PLCB1: variants seen among roughly 807,000 people sequenced by gnomAD.
PLCB1 encodes the protein phospholipase C beta 1.
In PLCB1, 46 loss-of-function variants were observed where a neutral mutation model predicts 161.8. That is an observed-to-expected ratio of 0.28 (90% CI 0.22 to 0.36). PLCB1 has a LOEUF of 0.36. Ranked by LOEUF, PLCB1 falls within the 10% of genes least tolerant of loss-of-function variation. PLCB1 has a pLI of 1.00. For synonymous variants in PLCB1, 517 were observed against 503.7 expected, an observed-to-expected ratio of 1.03 and a Z score of -0.35; for missense variants, 1,016 against 1,472.5, an observed-to-expected ratio of 0.69 and a Z score of 5.07.
At chr20:8,727,489 A>T (rs1385412087) in intron 17 of PLCB1, 96 bp downstream of exon 17, 1 of 725,072 alleles carries the variant, frequency 1.4e-6, no homozygotes, top group East Asian at 2.6e-5. Context: ...AGATGCATAA[A>T]ATGGCTTAAG....
intron 2 of PLCB1, among the ~76,000 whole-genome samples, chr20:8,310,923 A>G (rs1430444646): frequency 1.3e-5 from 2 of 152,148 alleles, no homozygotes; most frequent in Non-Finnish European, 2.9e-5. Context: ...GCTGCTGCAT[A>G]GTATTCTATG....
intron 3 of PLCB1, among the ~76,000 whole-genome samples, chr20:8,381,884 C>T (rs968452295): frequency 7.9e-5 from 12 of 151,216 alleles, no homozygotes; most frequent in East Asian, 1.9e-4. Flanking sequence ...TTAATTTTTT[C>T]GGGAAAAAAA....
intron 2 of PLCB1, among the ~76,000 whole-genome samples, chr20:8,168,811 TA>T (rs920202052): frequency 1.3e-5 from 2 of 151,950 alleles, no homozygotes; most frequent in African/African-American, 4.8e-5. Flanking sequence ...TCAAAATCTG[TA>T]AAAACACTGG....
At chr20:8,388,821 T>C (rs2122420627) in intron 3 of PLCB1, among the ~76,000 whole-genome samples, 1 of 152,304 alleles carries the variant, frequency 6.6e-6, no homozygotes, top group African/African-American at 2.4e-5. Flanking sequence ...AGATGTAAAT[T>C]ATATGGCATA....
At chr20:8,815,496 A>G (rs1324036513) in intron 31 of PLCB1, among the ~76,000 whole-genome samples, 1 of 152,238 alleles carries the variant, frequency 6.6e-6, no homozygotes, top group African/African-American at 2.4e-5. Flanking sequence ...CCTAAGGTGT[A>G]CAATTTCACA....
chr20:8,518,027 C>T (rs1984205776), intron 3 of PLCB1, among the ~76,000 whole-genome samples: 1 of 151,972 alleles, frequency 6.6e-6, no homozygotes, highest in Non-Finnish European at 1.5e-5. Flanking sequence ...ACTAAAAATA[C>T]AAAATTTAGC....
chr20:8,412,148 A>G (rs1979073565), intron 3 of PLCB1, among the ~76,000 whole-genome samples: 1 of 152,260 alleles, frequency 6.6e-6, no homozygotes, highest in Non-Finnish European at 1.5e-5. Flanking sequence ...AGGTATTATT[A>G]GTTATTGCTA....
intron 2 of PLCB1, among the ~76,000 whole-genome samples, chr20:8,319,714 T>C (rs1984820354): frequency 1.6e-5 from 1 of 61,776 alleles, no homozygotes; most frequent in South Asian, 8.4e-4. Flanking sequence ...GCTTTTCTTT[T>C]TCTTATTGTG....
intron 2 of PLCB1, 180 bp from the exon 3 acceptor site, chr20:8,371,202 G>A: frequency 1.8e-6 from 1 of 540,638 alleles, no homozygotes; most frequent in Non-Finnish European, 3.3e-6. Flanking sequence ...TTAGCAGTTA[G>A]CTGTCTTTTG....
At chr20:8,273,843 A>G (rs1218191424) in intron 2 of PLCB1, among the ~76,000 whole-genome samples, 3 of 152,188 alleles carry the variant, frequency 2.0e-5, no homozygotes, top group Admixed American at 6.6e-5. Context: ...TGGAATGGAT[A>G]TGGATTCTGA....
chr20:8,285,508 A>G (rs1351287397), intron 2 of PLCB1, among the ~76,000 whole-genome samples: 1 of 152,128 alleles, frequency 6.6e-6, no homozygotes, highest in Non-Finnish European at 1.5e-5. Context: ...TTAACCTGGA[A>G]GACTGGATAT....
chr20:8,188,929 TGTAA>T (rs1033050254), intron 2 of PLCB1, among the ~76,000 whole-genome samples: 1 of 152,166 alleles, frequency 6.6e-6, no homozygotes, highest in African/African-American at 2.4e-5. Context: ...TCAAATATTT[TGTAA>T]GTGTTTCAGA....
At position 8,187,301 on chromosome 20, in the gene PLCB1, A is replaced by G. The variant is rs117263381; in HGVS notation, c.177+36930A>G. 2.6e-5 allele frequency among the ~76,000 whole-genome samples: 4 copies of G among 152,118 alleles called. No individual in the cohort carries two copies. In the East Asian group the frequency reaches 7.7e-4, roughly 29 times the overall value. On this transcript the variant is annotated intron_variant, in intron 2 of 31. Coordinates refer to ENST00000338037, the MANE Select transcript of PLCB1 (RefSeq NM_015192.4). ...CCCCAGTCCCACCCTTTATTCCTGT[A>G]TTAGTTTACCATGTCTCCTTTCTTC...
At position 8,437,594 on chromosome 20, in the gene PLCB1, T is replaced by A. The variant is rs188367112; in HGVS notation, c.246+66144T>A. On this transcript the variant is annotated intron_variant, in intron 3 of 31. Transcript: ENST00000338037. ...AGTCATCCAGTACAGTAGACTGACA[T>A]CTTACTGTTTTTACCATCTATTTGT... is the stretch of plus-strand genomic sequence containing the variant. 2.2e-3 allele frequency among the ~76,000 whole-genome samples: 334 copies of A among 152,308 alleles called. 2 individuals are homozygous for A. Among genetic ancestry groups the A allele is most frequent in the African/African-American group, 7.5e-3 (311 of 41,568 alleles).
intron 9 of PLCB1, among the ~76,000 whole-genome samples, chr20:8,667,335 C>A (rs2123350892): frequency 6.6e-6 from 1 of 152,270 alleles, no homozygotes; most frequent in Non-Finnish European, 1.5e-5. Flanking sequence ...TGAGTGCATT[C>A]CAAGTTCTTC....
chr20:8,687,182 C>T (rs532177242), intron 10 of PLCB1, among the ~76,000 whole-genome samples: 3 of 151,908 alleles, frequency 2.0e-5, no homozygotes, highest in Admixed American at 2.0e-4. Flanking sequence ...CGTGCCACCA[C>T]ACCTGGCTAA....
intron 3 of PLCB1, among the ~76,000 whole-genome samples, chr20:8,417,347 T>C (rs974244245): frequency 1.3e-5 from 2 of 151,690 alleles, no homozygotes; most frequent in Admixed American, 6.6e-5. Context: ...TACACACACA[T>C]ATATAACATA....
At chr20:8,681,179 T>G (rs1016659293) in intron 9 of PLCB1, among the ~76,000 whole-genome samples, 31 of 147,710 alleles carry the variant, frequency 2.1e-4, no homozygotes, top group African/African-American at 6.2e-4. Context: ...AACTTCCGGA[T>G]TAAATAAAAC....
chr20:8,797,581 A>C (rs951836237), intron 31 of PLCB1, among the ~76,000 whole-genome samples: 5 of 152,120 alleles, frequency 3.3e-5, no homozygotes, highest in Admixed American at 2.0e-4. Flanking sequence ...TATTCTATGC[A>C]TCCACTGAGT....
Sources: gnomAD v4.1 joint callset for allele counts (sites outside exome capture counted in the v4.1 genomes callset) on GRCh38, gnomAD v4.1.1 for gene constraint, MANE v1.5 for transcripts, NCBI Gene and HGNC (gene_info 2026-07-23, HGNC 2026-07-21) for gene names.